The following DAB1 variants were observed in gnomAD, a reference collection of about 807,000 sequenced individuals.
The protein encoded by DAB1 is disabled homolog 1.
A neutral mutation model predicts 64.6 loss-of-function variants in DAB1; 15 were observed. The observed-to-expected ratio is 0.23, with a 90% CI of 0.16 to 0.36. The LOEUF is 0.36. DAB1 is among the 10% of genes least tolerant of loss of function. The pLI, the probability that DAB1 is intolerant of heterozygous loss-of-function variation, is 1.00. For synonymous variants in DAB1, 235 were observed against 251.9 expected (o/e 0.93, Z 0.64); for missense variants, 596 against 706.7 (o/e 0.84, Z 1.78).
chr1:57,501,029 G>C (rs1644284035), intron 7 of DAB1, among the ~76,000 whole-genome samples: 1 of 152,224 alleles, frequency 6.6e-6, no homozygotes, highest in South Asian at 2.1e-4. Context: ...CTTACATCCT[G>C]ACTGGTATTC....
chr1:57,467,586 T>C (rs1686992945), intron 7 of DAB1, among the ~76,000 whole-genome samples: 1 of 152,306 alleles, frequency 6.6e-6, no homozygotes, highest in Admixed American at 6.5e-5. Flanking sequence ...CACTTTCAAA[T>C]GGACATATCT....
chr1:58,333,460 A>G (rs1663024162), intron 4 of DAB1, among the ~76,000 whole-genome samples: 1 of 152,268 alleles, frequency 6.6e-6, no homozygotes, highest in Admixed American at 6.5e-5. Context: ...TGTTAACAGA[A>G]GAGTTATACA....
intron 2 of DAB1, among the ~76,000 whole-genome samples, chr1:58,523,527 G>T (rs1483244917): frequency 6.6e-6 from 1 of 152,122 alleles, no homozygotes; most frequent in Non-Finnish European, 1.5e-5. Context: ...GTGTTTGGGG[G>T]CAAGTAGACC....
At chr1:58,282,612 A>AAG (rs1661588516) in intron 4 of DAB1, among the ~76,000 whole-genome samples, 1 of 151,750 alleles carries the variant, frequency 6.6e-6, no homozygotes, top group Non-Finnish European at 1.5e-5. Context: ...TTCTAAAAAA[A>AAG]AAAAGGAGTG....
At chr1:57,055,239 G>A (rs1649629869) in intron 9 of DAB1, among the ~76,000 whole-genome samples, 3 of 152,276 alleles carry the variant, frequency 2.0e-5, no homozygotes, top group South Asian at 4.2e-4. Flanking sequence ...TCTAGGAGTG[G>A]GTAGGATTAA....
At chr1:57,953,850 G>C (rs182071398) in intron 5 of DAB1, among the ~76,000 whole-genome samples, 16 of 152,188 alleles carry the variant, frequency 1.1e-4, no homozygotes, top group Admixed American at 2.0e-4. Flanking sequence ...CTTACCCTAT[G>C]GCTACATGTC....
intron 5 of DAB1, among the ~76,000 whole-genome samples, chr1:58,106,376 G>A (rs941165955): frequency 6.6e-6 from 1 of 152,084 alleles, no homozygotes; most frequent in Admixed American, 6.6e-5. Flanking sequence ...TAGAGACAGG[G>A]TCTCATTATG....
At chr1:57,318,155 C>CA (rs3042914) in intron 1 of DAB1, among the ~76,000 whole-genome samples, 31,598 of 103,336 alleles carry the variant, frequency 0.31, 5,359 homozygotes, top group Non-Finnish European at 0.33. Context: ...AGCTGCAACT[C>CA]AAAAAAAAAA....
rs538059509 is a variant in DAB1, at chr1:57,397,028, C to T, written c.-137+26902G>A. Among the ~76,000 whole-genome samples the T allele has an allele frequency of 3.3e-5, 5 of 152,162 alleles. No homozygotes were observed. In the South Asian group the frequency reaches 1.0e-3, roughly 32 times the overall value. ...ACATTTTTCCTGTAGTCATAAAAGA[C>T]TGGTTTATTCAACAGAAATCATCAA... On this transcript the variant is annotated intron_variant, in intron 1 of 14. Coordinates refer to ENST00000371236, the MANE Select transcript of DAB1 (RefSeq NM_001365792.1).
chr1:57,023,930 T>C (rs111789723), intron 10 of DAB1, among the ~76,000 whole-genome samples: 3 of 152,192 alleles, frequency 2.0e-5, no homozygotes, highest in African/African-American at 7.2e-5. Flanking sequence ...TAATGGCCAG[T>C]ATCCTAATGA....
At chr1:57,059,251 G>T (rs1650140582) in intron 9 of DAB1, among the ~76,000 whole-genome samples, 2 of 152,150 alleles carry the variant, frequency 1.3e-5, no homozygotes, top group Non-Finnish European at 2.9e-5. Context: ...ATAACATAGA[G>T]GATCAGAGAT....
At chr1:57,783,981 C>G (rs1221676341) in intron 6 of DAB1, among the ~76,000 whole-genome samples, 1 of 152,132 alleles carries the variant, frequency 6.6e-6, no homozygotes, top group Non-Finnish European at 1.5e-5. Context: ...TAGCAATGGC[C>G]TCTAGGTGTT....
At chr1:58,311,898 A>G (rs982801722) in intron 4 of DAB1, among the ~76,000 whole-genome samples, 3 of 151,972 alleles carry the variant, frequency 2.0e-5, no homozygotes, top group African/African-American at 7.3e-5. Flanking sequence ...GGATGCTCTT[A>G]TTACACCCAT....
chr1:57,345,375 A>G (rs1322125962), intron 1 of DAB1, among the ~76,000 whole-genome samples: 1 of 152,228 alleles, frequency 6.6e-6, no homozygotes, highest in Non-Finnish European at 1.5e-5. Context: ...GAAAATAATG[A>G]TAACTGCCTT....
At chr1:57,787,503 C>T (rs891677860) in intron 6 of DAB1, among the ~76,000 whole-genome samples, 1 of 151,676 alleles carries the variant, frequency 6.6e-6, no homozygotes, top group African/African-American at 2.4e-5. Flanking sequence ...ACACAATATA[C>T]AAAAATTAAT....
intron 4 of DAB1, chr1:58,228,744 C>T (rs1263799077): frequency 1.9e-6 from 2 of 1,040,286 alleles, no homozygotes; most frequent in African/African-American, 1.6e-5. Flanking sequence ...CCACATCAGG[C>T]CCACGTTGAT....
chr1:58,000,018 G>T (rs1204207521), intron 5 of DAB1, among the ~76,000 whole-genome samples: 5 of 151,560 alleles, frequency 3.3e-5, no homozygotes, highest in African/African-American at 1.2e-4. Flanking sequence ...GGAAGAGAGG[G>T]AGGGAGAAAG....
chr1:58,195,589 T>G (rs1657633366), intron 4 of DAB1, among the ~76,000 whole-genome samples: 1 of 152,176 alleles, frequency 6.6e-6, no homozygotes, highest in Non-Finnish European at 1.5e-5. Context: ...TAGAGGTAAT[T>G]TGTGGGACAC....
At chr1:57,823,475 T>C (rs1400846847), downstream of DAB1, among the ~76,000 whole-genome samples, 1 of 152,050 alleles carries the variant, frequency 6.6e-6, no homozygotes, top group Non-Finnish European at 1.5e-5. Flanking sequence ...AGGGGTCTTC[T>C]GGAGAAGACG....
Sources: gnomAD v4.1 joint callset for allele counts (sites outside exome capture counted in the v4.1 genomes callset) on GRCh38, gnomAD v4.1.1 for gene constraint, MANE v1.5 for transcripts, NCBI Gene and HGNC (gene_info 2026-07-23, HGNC 2026-07-21) for gene names.